The following ULK4 variants were observed in gnomAD, a reference collection of about 807,000 sequenced individuals.
ULK4 encodes the protein inactive serine/threonine-protein kinase ULK4.
Under a neutral mutation model 160.6 loss-of-function variants are expected in ULK4, and 133 were observed. That is an observed-to-expected ratio of 0.83 (90% CI 0.72 to 0.96). The LOEUF is 0.96. Among genes scored for constraint, ULK4 ranks in the 40% least tolerant of loss-of-function variants. ULK4 has a pLI of 0.00. For synonymous variants in ULK4, 534 were observed against 539.8 expected, an observed-to-expected ratio of 0.99 and a Z score of 0.15; for missense variants, 1,580 against 1,499.5, an observed-to-expected ratio of 1.05 and a Z score of -0.89.
intron 17 of ULK4, among the ~76,000 whole-genome samples, chr3:41,855,641 T>A (rs2042318014): frequency 6.6e-6 from 1 of 152,230 alleles, no homozygotes; most frequent in Non-Finnish European, 1.5e-5. Context: ...TACTTGTTAC[T>A]ATACTATTAA....
intron 32 of ULK4, among the ~76,000 whole-genome samples, chr3:41,498,576 CTTTTTTTT>C (rs56321420): frequency 6.9e-5 from 10 of 144,174 alleles, no homozygotes; most frequent in Admixed American, 6.8e-4. Flanking sequence ...TCTTTTTTTT[CTTTTTTTT>C]TTTTTTGCTT....
At chr3:41,287,762 A>G (rs2079490114) in intron 35 of ULK4, among the ~76,000 whole-genome samples, 1 of 152,194 alleles carries the variant, frequency 6.6e-6, no homozygotes, top group Admixed American at 6.5e-5. Flanking sequence ...TCCTAGCATG[A>G]TATTAACATT....
chr3:41,859,073 A>C (rs1202351953), intron 17 of ULK4, among the ~76,000 whole-genome samples: 1 of 152,222 alleles, frequency 6.6e-6, no homozygotes, highest in Non-Finnish European at 1.5e-5. Context: ...TCTCAGAAGA[A>C]GACAATCTTC....
intron 32 of ULK4, among the ~76,000 whole-genome samples, chr3:41,531,445 AGAGGGGAGGG>A (rs1212516780): frequency 1.0e-4 from 6 of 57,934 alleles, no homozygotes; most frequent in East Asian, 4.1e-4. Context: ...CGTCTCAAAA[AGAGGGGAGGG>A]GAGGGGAGGG....
chr3:41,292,095 A>G (rs897319117), intron 35 of ULK4, among the ~76,000 whole-genome samples: 1 of 151,798 alleles, frequency 6.6e-6, no homozygotes, highest in Non-Finnish European at 1.5e-5. Context: ...AGCCTCCCAA[A>G]GTGCTGGGAT....
intron 30 of ULK4, among the ~76,000 whole-genome samples, chr3:41,619,662 C>T (rs961995305): frequency 2.6e-5 from 4 of 151,648 alleles, no homozygotes; most frequent in African/African-American, 9.7e-5. Context: ...AGGAAAAAAA[C>T]GGGAAAGATC....
chr3:41,369,225 T>C (rs2081313291), intron 35 of ULK4, among the ~76,000 whole-genome samples: 1 of 152,214 alleles, frequency 6.6e-6, no homozygotes, highest in South Asian at 2.1e-4. Flanking sequence ...AGGCCCTGCA[T>C]GGTGGCCCCT....
chr3:41,608,638 C>A (rs965033141), intron 31 of ULK4, among the ~76,000 whole-genome samples: 5 of 152,170 alleles, frequency 3.3e-5, no homozygotes, highest in African/African-American at 1.2e-4. Flanking sequence ...TGGAGCAATG[C>A]CTGATCACAG....
chr3:41,519,339 A>G (rs150511422), intron 32 of ULK4, among the ~76,000 whole-genome samples: 28 of 152,332 alleles, frequency 1.8e-4, no homozygotes, highest in African/African-American at 6.5e-4. Flanking sequence ...CACTCCACCT[A>G]CAAACCAAAC....
intron 32 of ULK4, among the ~76,000 whole-genome samples, chr3:41,564,618 C>T (rs568341738): frequency 1.6e-4 from 24 of 151,884 alleles, no homozygotes; most frequent in Non-Finnish European, 2.9e-4. Flanking sequence ...GCCACCACAC[C>T]TGGCTAATTT....
chr3:41,784,483 G>T (rs1320594635), intron 21 of ULK4, among the ~76,000 whole-genome samples: 1 of 152,118 alleles, frequency 6.6e-6, no homozygotes, highest in East Asian at 1.9e-4. Context: ...GAAAAAGGTG[G>T]TTTTTTACTT....
At chr3:41,447,695 G>GT (rs769667292) in intron 34 of ULK4, among the ~76,000 whole-genome samples, 2 of 152,166 alleles carry the variant, frequency 1.3e-5, no homozygotes, top group Non-Finnish European at 2.9e-5. Context: ...CTAGGGCTCG[G>GT]TTTTTATGTA....
intron 36 of ULK4, 66 bp downstream of exon 36, chr3:41,249,423 G>T: frequency 6.9e-7 from 1 of 1,457,064 alleles, no homozygotes; most frequent in Admixed American, 1.8e-5. Flanking sequence ...GAGGAGTGGA[G>T]AAAGGAATGG....
At chr3:41,917,988 AAAATAAATAAATAAATAAATAAAT>A (rs150895020) in intron 7 of ULK4, among the ~76,000 whole-genome samples, 8,214 of 147,782 alleles carry the variant, frequency 0.056, 412 homozygotes, top group East Asian at 0.17. Flanking sequence ...CTCTGTCTCA[AAAATAAATAAATAAATAAATAAAT>A]AAATAAATAA....
chr3:41,411,698 G>A (rs1445999096), intron 34 of ULK4, among the ~76,000 whole-genome samples: 2 of 152,138 alleles, frequency 1.3e-5, no homozygotes, highest in Non-Finnish European at 2.9e-5. Flanking sequence ...CTCCCCAAGT[G>A]CTGTGATTAA....
chr3:41,682,380 A>G (rs1169731240), intron 27 of ULK4, among the ~76,000 whole-genome samples: 1 of 152,230 alleles, frequency 6.6e-6, no homozygotes, highest in Non-Finnish European at 1.5e-5. Context: ...ATTTTCCTCC[A>G]AAATACCAAA....
rs148560378 is a variant in ULK4 at position 41,758,692 on chromosome 3, T to C, written c.2194-4204A>G. ...CGAGGTCAGGAGATCAAGATCACAG[T>C]GAAACCCCGTCTCTACCAAAAATAC... On this transcript the variant is annotated intron_variant, in intron 21 of 36. Coordinates refer to ENST00000301831, the MANE Select transcript of ULK4 (RefSeq NM_017886.4). Among the ~76,000 whole-genome samples the C allele has an allele frequency of 2.1e-4, 32 of 152,034 alleles. No individual in the cohort carries two copies. In the East Asian group the frequency reaches 6.0e-3, roughly 29 times the overall value.
In ULK4 at chr3:41,280,660, T is replaced by C. The variant is rs570301248; in HGVS notation, c.3679-31086A>G. Among the ~76,000 whole-genome samples, 491 of 152,260 alleles carry C rather than the reference T, an allele frequency of 3.2e-3. 3 individuals carry two copies. Among genetic ancestry groups the C allele is most frequent in the African/African-American group, 0.011 (461 of 41,556 alleles). ...AATCTCTGGGACACATTTAAAGCAG[T>C]GTGTAGAGGGAAATTTATAGCACTA... is the stretch of plus-strand genomic sequence containing the variant. On this transcript the variant is annotated intron_variant, in intron 35 of 36. Transcript: ENST00000301831.
chr3:41,546,278 C>T (rs1175953701), intron 32 of ULK4, among the ~76,000 whole-genome samples: 3 of 151,992 alleles, frequency 2.0e-5, no homozygotes, highest in Admixed American at 1.3e-4. Flanking sequence ...CTTTTGACCC[C>T]AAAATGCTTA....
Sources: allele counts gnomAD v4.1 joint callset (sites outside exome capture counted in the v4.1 genomes callset), GRCh38; gene constraint gnomAD v4.1.1; transcripts MANE v1.5; gene names NCBI Gene and HGNC (gene_info 2026-07-23, HGNC 2026-07-21).